The following KCNK9 variants were observed in gnomAD, a reference collection of about 807,000 sequenced individuals.
KCNK9 encodes the protein potassium two pore domain channel subfamily K member 9.
A neutral mutation model predicts 10.8 loss-of-function variants in KCNK9; 1 was observed. The ratio of observed to expected loss-of-function variants is 0.09; its 90% CI spans 0.03 to 0.44. The LOEUF is 0.44. Ranked by LOEUF, KCNK9 falls within the 20% of genes least tolerant of loss-of-function variation. The pLI is 0.97. For synonymous variants in KCNK9, 231 were observed against 222.7 expected, an observed-to-expected ratio of 1.04 and a Z score of -0.33; for missense variants, 303 against 515.0, an observed-to-expected ratio of 0.59 and a Z score of 3.98.
intron 2 of KCNK9, among the ~76,000 whole-genome samples, chr8:139,605,054 A>T (rs1415569489): frequency 6.6e-6 from 1 of 152,236 alleles, no homozygotes; most frequent in Non-Finnish European, 1.5e-5. Flanking sequence ...GGAGCTCGGG[A>T]GCCCCAATAC....
chr8:139,696,041 G>T (rs1305720210), intron 1 of KCNK9, among the ~76,000 whole-genome samples: 2 of 152,122 alleles, frequency 1.3e-5, no homozygotes, highest in African/African-American at 4.8e-5. Context: ...TACATCTGCT[G>T]GGTCCTCCTC....
At chr8:139,631,657 T>A (rs1205612999) in intron 1 of KCNK9, among the ~76,000 whole-genome samples, 1 of 152,056 alleles carries the variant, frequency 6.6e-6, no homozygotes, top group African/African-American at 2.4e-5. Flanking sequence ...TCCAAAAAAA[T>A]TTTTAGAAAT....
At chr8:139,663,335 T>C (rs577053328) in intron 1 of KCNK9, among the ~76,000 whole-genome samples, 1 of 152,038 alleles carries the variant, frequency 6.6e-6, no homozygotes, top group South Asian at 2.1e-4. Flanking sequence ...AGCAAACGTG[T>C]TCCTCCCATC....
At chr8:139,653,150 A>G (rs1018744482) in intron 1 of KCNK9, among the ~76,000 whole-genome samples, 12 of 152,166 alleles carry the variant, frequency 7.9e-5, no homozygotes, top group Admixed American at 2.0e-4. Context: ...GAGGCTGAAG[A>G]AGCATCACGG....
intron 1 of KCNK9, among the ~76,000 whole-genome samples, chr8:139,635,344 A>G (rs897816951): frequency 6.6e-6 from 1 of 152,256 alleles, no homozygotes; most frequent in Non-Finnish European, 1.5e-5. Context: ...CATGTGACAT[A>G]GCAGCGTTGC....
rs1445473340 is a variant in KCNK9, at chr8:139,617,838, A to C, written c.*420T>G. ...AAGAGAAAGGAGTTAGGTCAGAGAC[A>C]CCACTAAGGGTAGGCGATTGAAGGC... On this transcript the variant is annotated 3_prime_UTR_variant, in exon 2 of 2. Transcript: ENST00000520439. Among the ~76,000 whole-genome samples the C allele has an allele frequency of 3.3e-5, 5 of 152,150 alleles. No homozygotes were observed. Among genetic ancestry groups the C allele is most frequent in the Non-Finnish European group, 7.4e-5 (5 of 68,016 alleles).
At chr8:139,688,630 A>G (rs1816871921) in intron 1 of KCNK9, among the ~76,000 whole-genome samples, 1 of 152,232 alleles carries the variant, frequency 6.6e-6, no homozygotes, top group Non-Finnish European at 1.5e-5. Context: ...GAGCCAAACC[A>G]TATCAATGAC....
chr8:139,665,856 C>T (rs903939606), intron 1 of KCNK9, among the ~76,000 whole-genome samples: 2 of 152,214 alleles, frequency 1.3e-5, no homozygotes, highest in African/African-American at 2.4e-5. Context: ...CCATCCACCC[C>T]GCTGCCAGGT....
chr8:139,687,541 C>CATATATATGTATACAT (rs1243933976), intron 1 of KCNK9, among the ~76,000 whole-genome samples: 4 of 104,010 alleles, frequency 3.8e-5, no homozygotes, highest in African/African-American at 7.4e-5. Flanking sequence ...TATGTATACA[C>CATATATATGTATACAT]ATATATTCAT....
rs781117200 is a variant in KCNK9, at chr8:139,606,954, G to A, written c.*1-5353C>T. Among the ~76,000 whole-genome samples, 94 of 152,098 alleles carry A rather than the reference G, an allele frequency of 6.2e-4. 2 individuals are homozygous for A. Among genetic ancestry groups the A allele is most frequent in the Non-Finnish European group, 1.8e-4 (12 of 68,028 alleles). On this transcript the variant is annotated intron_variant, in intron 2 of 2. Coordinates refer to the KCNK9 transcript ENST00000650269. ...AGGGTGGACTGAGATGATCTCATAA[G>A]GTCCTTCTCCCCCACATCCCCCCGC... is the stretch of plus-strand genomic sequence containing the variant.
At chr8:139,610,792 G>A (rs542370437), downstream of KCNK9, among the ~76,000 whole-genome samples, 5 of 152,368 alleles carry the variant, frequency 3.3e-5, no homozygotes, top group South Asian at 1.0e-3. Flanking sequence ...AGTCAGGGAA[G>A]GTTCTTGAGC....
At chr8:139,685,836 T>C (rs1172862803) in intron 1 of KCNK9, among the ~76,000 whole-genome samples, 1 of 152,218 alleles carries the variant, frequency 6.6e-6, no homozygotes, top group Non-Finnish European at 1.5e-5. Flanking sequence ...TTTCTAGTTC[T>C]AGATCCTTGA....
At chr8:139,619,992 T>G (rs1409982031) in intron 1 of KCNK9, among the ~76,000 whole-genome samples, 1 of 152,250 alleles carries the variant, frequency 6.6e-6, no homozygotes, top group East Asian at 1.9e-4. Context: ...AAATTCTTGA[T>G]GCAACTTCAT....
At chr8:139,680,179 C>T (rs1188113656) in intron 1 of KCNK9, among the ~76,000 whole-genome samples, 4 of 152,234 alleles carry the variant, frequency 2.6e-5, no homozygotes, top group Non-Finnish European at 5.9e-5. Flanking sequence ...GCCAGCCAAG[C>T]GCGGGCTTCA....
At chr8:139,621,237 G>A (rs1388849393) in intron 1 of KCNK9, among the ~76,000 whole-genome samples, 2 of 150,436 alleles carry the variant, frequency 1.3e-5, no homozygotes, top group Non-Finnish European at 2.9e-5. Context: ...GTTGCAATGA[G>A]CCATGATTGT....
chr8:139,634,799 G>C (rs983791052), intron 1 of KCNK9, among the ~76,000 whole-genome samples: 1 of 152,200 alleles, frequency 6.6e-6, no homozygotes, highest in Admixed American at 6.5e-5. Context: ...GGCTTGAGGG[G>C]AGCAGGAGGA....
chr8:139,675,208 GA>G (rs1352684141), intron 1 of KCNK9, among the ~76,000 whole-genome samples: 1 of 152,240 alleles, frequency 6.6e-6, no homozygotes, highest in Non-Finnish European at 1.5e-5. Context: ...CAACATTCGG[GA>G]CATGGGGCCG....
At chr8:139,692,300 TC>T (rs1816950035) in intron 1 of KCNK9, among the ~76,000 whole-genome samples, 1 of 152,156 alleles carries the variant, frequency 6.6e-6, no homozygotes, top group South Asian at 2.1e-4. Flanking sequence ...AATAATCCAC[TC>T]TGATGAAATG....
At chr8:139,653,882 G>A (rs1273715843) in intron 1 of KCNK9, among the ~76,000 whole-genome samples, 1 of 152,206 alleles carries the variant, frequency 6.6e-6, no homozygotes, top group Non-Finnish European at 1.5e-5. Flanking sequence ...GGGGTAGCCA[G>A]GGACCTCACC....
Sources: allele counts gnomAD v4.1 joint callset (sites outside exome capture counted in the v4.1 genomes callset), GRCh38; gene constraint gnomAD v4.1.1; transcripts MANE v1.5; gene names NCBI Gene and HGNC (gene_info 2026-07-23, HGNC 2026-07-21).